FAM13A: variants seen among roughly 807,000 people sequenced by gnomAD.
FAM13A encodes the protein protein FAM13A.
Under a neutral mutation model 129.6 loss-of-function variants are expected in FAM13A, and 76 were observed. The ratio of observed to expected loss-of-function variants is 0.59; its 90% CI spans 0.49 to 0.71. FAM13A has a LOEUF of 0.71. FAM13A is among the 30% of genes least tolerant of loss of function. The probability of loss-of-function intolerance (pLI) is 0.00; values close to 1 mark genes in which losing one functional copy is unlikely to be tolerated. For synonymous variants in FAM13A, 443 were observed against 449.9 expected (o/e 0.98, Z 0.20); for missense variants, 1,108 against 1,249.3 (o/e 0.89, Z 1.70).
chr4:88,798,806 C>T lies in FAM13A; in HGVS notation c.1049+6205G>A, dbSNP rs77326635. ...GCTACCTGTTTAAACTAGAGGCTTA[C>T]GTTTTATTAAAATCTGAAGTTCTAC... On this transcript the variant is annotated intron_variant, in intron 8 of 23. Transcript: ENST00000264344. Among the ~76,000 whole-genome samples, 35 of 151,988 alleles carry T rather than the reference C, an allele frequency of 2.3e-4. No homozygotes were observed. The East Asian group carries it at 6.2e-3, about 27-fold the overall frequency.
chr4:88,918,783 T>C (rs1475360088), intron 5 of FAM13A, among the ~76,000 whole-genome samples: 2 of 152,232 alleles, frequency 1.3e-5, no homozygotes, highest in Non-Finnish European at 2.9e-5. Context: ...GTACACCATA[T>C]CATTTCCTCA....
At chr4:88,930,667 G>A (rs1752892353) in intron 5 of FAM13A, among the ~76,000 whole-genome samples, 1 of 152,096 alleles carries the variant, frequency 6.6e-6, no homozygotes. Flanking sequence ...TGATTCTTGG[G>A]CCTCCTGGTG....
intron 6 of FAM13A, 31 bp from the exon 7 acceptor site, chr4:88,851,214 G>C (rs2149986532): frequency 6.6e-7 from 1 of 1,505,288 alleles, no homozygotes; most frequent in East Asian, 2.3e-5. Flanking sequence ...GGGTGGGGGA[G>C]AGCTAGATAA....
intron 5 of FAM13A, among the ~76,000 whole-genome samples, chr4:88,930,133 T>C (rs1752813879): frequency 2.6e-5 from 4 of 152,202 alleles, no homozygotes; most frequent in Admixed American, 2.6e-4. Context: ...TTATCTTGCA[T>C]CTCATTGAGC....
intron 6 of FAM13A, among the ~76,000 whole-genome samples, chr4:88,900,934 T>C (rs1295453988): frequency 1.3e-5 from 2 of 151,700 alleles, no homozygotes; most frequent in African/African-American, 4.8e-5. Context: ...AGGGTCAAAA[T>C]AAAGGGATGG....
chr4:88,797,089 A>G (rs958260302), intron 8 of FAM13A, among the ~76,000 whole-genome samples: 1 of 152,060 alleles, frequency 6.6e-6, no homozygotes, highest in Non-Finnish European at 1.5e-5. Flanking sequence ...TTGCCTTTCC[A>G]CCAATGCTTA....
chr4:88,970,711 T>C (rs1759966059), intron 4 of FAM13A, among the ~76,000 whole-genome samples: 2 of 152,106 alleles, frequency 1.3e-5, no homozygotes, highest in African/African-American at 4.8e-5. Context: ...GAAGTCATAA[T>C]TGAAATTTTA....
chr4:88,992,610 C>T (rs991481530), intron 3 of FAM13A, among the ~76,000 whole-genome samples: 10 of 152,094 alleles, frequency 6.6e-5, no homozygotes, highest in East Asian at 5.8e-4. Flanking sequence ...ATACAAAAGA[C>T]GAATAACCCA....
intron 10 of FAM13A, among the ~76,000 whole-genome samples, chr4:88,785,501 A>G (rs903356756): frequency 6.6e-6 from 1 of 152,140 alleles, no homozygotes; most frequent in South Asian, 2.1e-4. Flanking sequence ...ACAGAAATCT[A>G]AGACCAAAGA....
At chr4:88,886,013 A>AT (rs1343779830) in intron 6 of FAM13A, among the ~76,000 whole-genome samples, 1 of 151,870 alleles carries the variant, frequency 6.6e-6, no homozygotes, top group Non-Finnish European at 1.5e-5. Context: ...ATAAAAAAAA[A>AT]AAATAGACGT....
Position 88,787,988 on chromosome 4 carries a change from T to TA in FAM13A, c.1092-57dup. Reference sequence around the variant, plus strand: ...CAGTCAAGTTCATCAGTGATCACCTTAAAAAATCTGTGCCTACAGTTTTGG... The same window carrying TA: ...CAGTCAAGTTCATCAGTGATCACCTTAAAAAAATCTGTGCCTACAGTTTTGG... On this transcript the variant is annotated intron_variant, in intron 9 of 23. Coordinates refer to ENST00000264344, the MANE Select transcript of FAM13A (RefSeq NM_014883.4). 4.2e-6 allele frequency: 6 copies of TA among 1,437,214 alleles called. No individual in the cohort carries two copies. The South Asian group carries it at 6.5e-5, about 15-fold the overall frequency. 89.0% of individuals were successfully genotyped at this position (1,437,214 alleles called of 1,614,324 possible). A position where few individuals can be genotyped will look rare whatever the true frequency, so the allele number is the denominator to read the frequency against.
At position 88,729,748 on chromosome 4, in the gene FAM13A, A is replaced by G. The variant is rs1434831163; in HGVS notation, c.2946-1089T>C. The G allele has an allele frequency of 2.0e-5, 3 of 152,190 alleles. No homozygotes were observed. The East Asian group carries it at 5.8e-4, about 29-fold the overall frequency. The allele number at this position is 152,190 out of a possible 1,614,324, so 9.4% of individuals were successfully genotyped here. A position where few individuals can be genotyped will look rare whatever the true frequency, so the allele number is the denominator to read the frequency against. Reference sequence around the variant, plus strand: ...AATTAAGTTAACGTCCTCCATTGACATTTTCTTAAAACCTGGGTGGTTTGC... The same window carrying G: ...AATTAAGTTAACGTCCTCCATTGACGTTTTCTTAAAACCTGGGTGGTTTGC... On this transcript the variant is annotated intron_variant, in intron 23 of 23. Transcript: ENST00000264344.
chr4:88,872,253 C>T (rs901242145), intron 6 of FAM13A, among the ~76,000 whole-genome samples: 1 of 152,132 alleles, frequency 6.6e-6, no homozygotes, highest in Non-Finnish European at 1.5e-5. Flanking sequence ...GCAAAATAAC[C>T]AGCTAACATC....
chr4:88,927,813 C>T (rs1367586524), intron 5 of FAM13A, among the ~76,000 whole-genome samples: 1 of 151,862 alleles, frequency 6.6e-6, no homozygotes, highest in South Asian at 2.1e-4. Context: ...GAATAACCAA[C>T]TTTTCATTTC....
intron 5 of FAM13A, among the ~76,000 whole-genome samples, chr4:88,927,237 TTTC>T (rs770012519): frequency 2.0e-5 from 3 of 152,022 alleles, no homozygotes; most frequent in African/African-American, 7.2e-5. Context: ...GTAAATGGGA[TTTC>T]TTCTTGATTT....
intron 4 of FAM13A, among the ~76,000 whole-genome samples, chr4:88,974,251 C>G (rs1760586897): frequency 6.6e-6 from 1 of 152,102 alleles, no homozygotes; most frequent in African/African-American, 2.4e-5. Flanking sequence ...TTGTTCTACC[C>G]TTCCTTGCTG....
intron 7 of FAM13A, among the ~76,000 whole-genome samples, chr4:88,846,248 TACAA>T (rs893493426): frequency 6.6e-6 from 1 of 152,228 alleles, no homozygotes; most frequent in African/African-American, 2.4e-5. Flanking sequence ...CTTTTCTGCT[TACAA>T]ACAATGGAAC....
rs116266858 is a variant in FAM13A at position 88,752,600 on chromosome 4, A to C, written c.1727-1963T>G. On this transcript the variant is annotated intron_variant, in intron 14 of 23. Coordinates refer to ENST00000264344, the MANE Select transcript of FAM13A (RefSeq NM_014883.4). ...ACATGCTGGTAGATGTGCCTGGCTA[A>C]AGCTGGACACGAACAGGAGGTGTTT... 5.7e-3 allele frequency among the ~76,000 whole-genome samples: 872 copies of C among 152,286 alleles called. 11 individuals carry two copies. Among genetic ancestry groups the C allele is most frequent in the African/African-American group, 0.018 (768 of 41,556 alleles).
intron 8 of FAM13A, among the ~76,000 whole-genome samples, chr4:88,799,729 C>T (rs962307837): frequency 5.3e-5 from 8 of 152,180 alleles, no homozygotes; most frequent in Non-Finnish European, 1.0e-4. Flanking sequence ...GTGATCCACC[C>T]GCCTTGGCCT....
Sources: gnomAD v4.1 joint callset for allele counts (sites outside exome capture counted in the v4.1 genomes callset) on GRCh38, gnomAD v4.1.1 for gene constraint, MANE v1.5 for transcripts, NCBI Gene and HGNC (gene_info 2026-07-23, HGNC 2026-07-21) for gene names.